Variants in PTPRA observed in about 807,000 individuals in gnomAD.
PTPRA encodes receptor-type tyrosine-protein phosphatase alpha.
A neutral mutation model predicts 104.8 loss-of-function variants in PTPRA; 25 were observed. That is an observed-to-expected ratio of 0.24 (90% CI 0.17 to 0.33). The LOEUF is 0.33. PTPRA is among the 10% of genes least tolerant of loss of function. The pLI, the probability that PTPRA is intolerant of heterozygous loss-of-function variation, is 1.00. For missense variants in PTPRA, 765 were observed against 1,015.3 expected (o/e 0.75, Z 3.35); for synonymous variants, 323 against 368.9 (o/e 0.88, Z 1.43).
intron 1 of PTPRA, among the ~76,000 whole-genome samples, chr20:2,879,409 T>C (rs592946): frequency 0.96 from 145,616 of 152,272 alleles, 69,669 homozygotes; most frequent in East Asian, 1. Context: ...TCACACTTGG[T>C]GTAGCAAGGC....
chr20:2,901,389 A>G (rs985857732), intron 1 of PTPRA, among the ~76,000 whole-genome samples: 3 of 152,122 alleles, frequency 2.0e-5, no homozygotes, highest in African/African-American at 7.2e-5. Context: ...AAGGGAGGAT[A>G]TGTACAATAA....
intron 1 of PTPRA, among the ~76,000 whole-genome samples, chr20:2,899,368 G>A (rs951013009): frequency 5.3e-5 from 8 of 152,168 alleles, no homozygotes; most frequent in African/African-American, 1.9e-4. Context: ...AACAGCAGGC[G>A]CACCATACTA....
chr20:2,884,847 T>G (rs984313238), intron 1 of PTPRA, among the ~76,000 whole-genome samples: 7 of 150,636 alleles, frequency 4.6e-5, no homozygotes, highest in African/African-American at 1.7e-4. Context: ...TCTCGCTCTG[T>G]CGCCCAGGCT....
chr20:2,906,096 G>C (rs1017635773), intron 1 of PTPRA, among the ~76,000 whole-genome samples: 1 of 152,114 alleles, frequency 6.6e-6, no homozygotes, highest in Non-Finnish European at 1.5e-5. Flanking sequence ...TGGATATGAT[G>C]GGTTATGGAT....
upstream of PTPRA, among the ~76,000 whole-genome samples, chr20:2,868,918 C>T (rs886181652): frequency 6.6e-6 from 1 of 152,076 alleles, no homozygotes; most frequent in African/African-American, 2.4e-5. Flanking sequence ...TGAGAAATAA[C>T]TTTTAACTGA....
intron 10 of PTPRA, 91 bp downstream of exon 10, chr20:3,005,237 C>A: frequency 7.9e-7 from 1 of 1,265,606 alleles, no homozygotes; most frequent in Non-Finnish European, 1.1e-6. Context: ...CAATTGGGCA[C>A]AGCAGGGTGA....
intron 1 of PTPRA, among the ~76,000 whole-genome samples, chr20:2,889,636 G>A (rs2058720646): frequency 6.6e-6 from 1 of 152,060 alleles, no homozygotes; most frequent in African/African-American, 2.4e-5. Flanking sequence ...TTTTCTTTCT[G>A]GGATTGTGAT....
At chr20:3,007,314 T>G in intron 10 of PTPRA, 30 bp from the exon 11 acceptor site, 1 of 1,599,592 alleles carries the variant, frequency 6.3e-7, no homozygotes, top group Non-Finnish European at 8.6e-7. Context: ...AATTTTGATT[T>G]TACTGAAATA....
intron 6 of PTPRA, among the ~76,000 whole-genome samples, chr20:2,981,542 C>G (rs1215835147): frequency 6.6e-6 from 1 of 152,114 alleles, no homozygotes; most frequent in Admixed American, 6.6e-5. Context: ...AATTGTATAG[C>G]CCAAAATGTC....
intron 3 of PTPRA, among the ~76,000 whole-genome samples, chr20:2,962,878 CT>C (rs889267556): frequency 2.0e-4 from 31 of 152,266 alleles, no homozygotes; most frequent in South Asian, 1.9e-3. Context: ...TCTTCCCCCC[CT>C]ACCCTTGAGA....
chr20:2,984,978 T>C (rs1317759044), intron 6 of PTPRA, among the ~76,000 whole-genome samples: 1 of 152,242 alleles, frequency 6.6e-6, no homozygotes, highest in Non-Finnish European at 1.5e-5. Flanking sequence ...CACTTGTCCC[T>C]GTCTAAAATT....
intron 3 of PTPRA, 138 bp from the exon 4 acceptor site, chr20:2,964,134 C>T (rs956565054): frequency 1.5e-6 from 1 of 677,484 alleles, no homozygotes; most frequent in Non-Finnish European, 2.6e-6. Flanking sequence ...AGGAAGCATG[C>T]ATATCAGGCT....
intron 2 of PTPRA, among the ~76,000 whole-genome samples, chr20:2,927,652 G>T (rs191185637): frequency 1.3e-5 from 2 of 152,126 alleles, no homozygotes; most frequent in African/African-American, 2.4e-5. Context: ...TTTGACGGGG[G>T]TGCAGGGGAG....
At chr20:3,027,976 A>C (rs959164847) in intron 20 of PTPRA, 135 bp downstream of exon 20, 4 of 1,241,888 alleles carry the variant, frequency 3.2e-6, no homozygotes, top group Non-Finnish European at 4.5e-6. Context: ...GTACGTTTGC[A>C]TAGTATAAGT....
intron 13 of PTPRA, 118 bp downstream of exon 13, chr20:3,018,031 C>T: frequency 1.2e-6 from 1 of 845,686 alleles, no homozygotes; most frequent in Non-Finnish European, 1.9e-6. Flanking sequence ...CAGAAAGACA[C>T]AGGCTGAAGT....
At chr20:2,880,595 G>A (rs2089991444) in intron 1 of PTPRA, among the ~76,000 whole-genome samples, 1 of 152,184 alleles carries the variant, frequency 6.6e-6, no homozygotes, top group South Asian at 2.1e-4. Flanking sequence ...TCCAACTCCT[G>A]TGATGAATTC....
At chr20:3,011,662 G>T (rs145985515) in intron 11 of PTPRA, among the ~76,000 whole-genome samples, 2 of 152,220 alleles carry the variant, frequency 1.3e-5, no homozygotes, top group African/African-American at 4.8e-5. Context: ...TGGGAAATGA[G>T]ACTTGATCTT....
intron 5 of PTPRA, among the ~76,000 whole-genome samples, chr20:2,973,853 A>G (rs1408014124): frequency 6.6e-6 from 1 of 152,044 alleles, no homozygotes; most frequent in Non-Finnish European, 1.5e-5. Flanking sequence ...AGAGAAAGAG[A>G]CTGATCTGAG....
chr20:2,914,041 G>A (rs1393347707), intron 1 of PTPRA, among the ~76,000 whole-genome samples: 14 of 152,040 alleles, frequency 9.2e-5, no homozygotes, highest in African/African-American at 2.2e-4. Context: ...ATGGACTTAC[G>A]GATTCATATT....
Sources: gnomAD v4.1 joint callset for allele counts (sites outside exome capture counted in the v4.1 genomes callset) on GRCh38, gnomAD v4.1.1 for gene constraint, MANE v1.5 for transcripts, NCBI Gene and HGNC (gene_info 2026-07-23, HGNC 2026-07-21) for gene names.